The following GPHN variants were observed in gnomAD, a reference collection of about 807,000 sequenced individuals.
GPHN encodes gephyrin.
In GPHN, 17 loss-of-function variants were observed where a neutral mutation model predicts 95.5. The ratio of observed to expected loss-of-function variants is 0.18; its 90% confidence interval spans 0.12 to 0.27. GPHN has a LOEUF of 0.27. Ranked by LOEUF, GPHN falls within the 10% of genes least tolerant of loss-of-function variation. The probability of loss-of-function intolerance (pLI) is 1.00; values close to 1 mark genes in which losing one functional copy is unlikely to be tolerated. For synonymous variants in GPHN, 320 were observed against 322.5 expected, an observed-to-expected ratio of 0.99 and a Z score of 0.08; for missense variants, 660 against 978.1, an observed-to-expected ratio of 0.67 and a Z score of 4.34.
chr14:66,730,317 G>T (rs1440204152), intron 2 of GPHN, among the ~76,000 whole-genome samples: 5 of 152,116 alleles, frequency 3.3e-5, no homozygotes, highest in African/African-American at 1.2e-4. Flanking sequence ...TTGAAAATCA[G>T]GCTCACCTAT....
chr14:66,719,337 C>T (rs1005963238), intron 2 of GPHN, among the ~76,000 whole-genome samples: 2 of 152,138 alleles, frequency 1.3e-5, no homozygotes, highest in African/African-American at 4.8e-5. Context: ...CCGTGTATTT[C>T]GCTTGGCTGT....
At chr14:67,722,460 T>C in the GPHN span, 4 of 695,246 alleles carry the variant, frequency 5.8e-6, no homozygotes, top group Non-Finnish European at 1.1e-5. Context: ...CTGACAGCTC[T>C]TGGATTTAAA....
At chr14:67,542,540 TATATC>T in the GPHN span, among the ~76,000 whole-genome samples, 1,016 of 152,336 alleles carry the variant, frequency 6.7e-3, 19 homozygotes, top group African/African-American at 0.023. Flanking sequence ...TTTTGAGAAT[TATATC>T]AGATCACATA....
chr14:67,361,557 C>T, the GPHN span, among the ~76,000 whole-genome samples: 2 of 152,238 alleles, frequency 1.3e-5, no homozygotes, highest in African/African-American at 4.8e-5. Context: ...GTCCCCATCA[C>T]ATAATATATT....
chr14:67,519,552 A>G, the GPHN span, among the ~76,000 whole-genome samples: 12 of 152,130 alleles, frequency 7.9e-5, no homozygotes, highest in African/African-American at 2.7e-4. Context: ...TGTAAGCCCT[A>G]CTAGGTACTG....
chr14:67,110,171 T>G lies in GPHN; in HGVS notation c.1325T>G (p.Met442Arg), dbSNP rs778445432. 6.2e-7 allele frequency: 1 copy of G among 1,613,000 alleles called. No homozygotes were observed. The highest frequency in any genetic ancestry group is 8.5e-7 in the Non-Finnish European group (1 of 1,178,972). ...CAGACAGTAATGCCAGGACAAGTCA[T>G]GCGGGTTACAACAGGTGCTCCAATA... is the stretch of plus-strand genomic sequence containing the variant. ...PTQTVMPGQV[M>R]RVTTGAPIPC... Residue 442 changes from methionine to arginine, a missense_variant, in exon 14 of 23, where the codon ATG (methionine) becomes AGG (arginine). Around this residue, in one of 6 missense-constraint regions of GPHN, gnomAD observed 257 missense variants for 376.2 expected, o/e 0.68. Coordinates refer to ENST00000478722, the MANE Select transcript of GPHN (RefSeq NM_020806.5).
At chr14:67,045,725 G>GTC (rs1005154755) in intron 10 of GPHN, among the ~76,000 whole-genome samples, 10 of 144,176 alleles carry the variant, frequency 6.9e-5, no homozygotes, top group African/African-American at 2.3e-4. Flanking sequence ...CTCTCTGTCT[G>GTC]TCTCTCTCTC....
chr14:67,532,808 G>T, the GPHN span, among the ~76,000 whole-genome samples: 1 of 152,228 alleles, frequency 6.6e-6, no homozygotes, highest in Non-Finnish European at 1.5e-5. Flanking sequence ...ATATCCAGAC[G>T]TTACAGTTCC....
intron 2 of GPHN, among the ~76,000 whole-genome samples, chr14:66,690,467 A>G (rs911116127): frequency 6.6e-6 from 1 of 152,226 alleles, no homozygotes; most frequent in African/African-American, 2.4e-5. Context: ...GTTCTGGAGA[A>G]TATTCCATGT....
chr14:66,578,062 A>G (rs955676524), intron 1 of GPHN, among the ~76,000 whole-genome samples: 1 of 151,922 alleles, frequency 6.6e-6, no homozygotes, highest in African/African-American at 2.4e-5. Context: ...TGAACAAGAG[A>G]AGGAAGTTAT....
chr14:67,615,658 C>T, the GPHN span: 13,766 of 529,118 alleles, frequency 0.026, 927 homozygotes, highest in African/African-American at 0.18. Context: ...AGAGAAAGGA[C>T]AATTTGAAGC....
chr14:67,725,427 T>C, the GPHN span, among the ~76,000 whole-genome samples: 1 of 152,206 alleles, frequency 6.6e-6, no homozygotes, highest in Non-Finnish European at 1.5e-5. Flanking sequence ...GTAGATAGAC[T>C]GGGCAGGATC....
the GPHN span, among the ~76,000 whole-genome samples, chr14:67,255,875 C>T: frequency 3.3e-5 from 5 of 152,216 alleles, no homozygotes; most frequent in Admixed American, 2.0e-4. Flanking sequence ...TTAGTAGAGA[C>T]GGGGTTTCAC....
chr14:67,594,945 C>A, the GPHN span, among the ~76,000 whole-genome samples: 1 of 151,846 alleles, frequency 6.6e-6, no homozygotes, highest in East Asian at 1.9e-4. Context: ...GTCAGGAGAT[C>A]GAGACCACGG....
chr14:67,507,464 G>C, the GPHN span, among the ~76,000 whole-genome samples: 1 of 152,074 alleles, frequency 6.6e-6, no homozygotes, highest in Non-Finnish European at 1.5e-5. Flanking sequence ...GCAGACCCTG[G>C]AGTCCCCAGG....
intron 1 of GPHN, among the ~76,000 whole-genome samples, chr14:66,601,434 A>C (rs114134743): frequency 0.013 from 1,931 of 152,110 alleles, 26 homozygotes; most frequent in African/African-American, 0.043. Flanking sequence ...TTTTACATCA[A>C]ATACGTTCAA....
At chr14:67,548,009 G>T in the GPHN span, among the ~76,000 whole-genome samples, 5 of 152,156 alleles carry the variant, frequency 3.3e-5, no homozygotes, top group South Asian at 2.1e-4. Flanking sequence ...TTAGCCATGG[G>T]TTCCCTTTTC....
intron 2 of GPHN, among the ~76,000 whole-genome samples, chr14:66,767,097 G>A (rs1025508902): frequency 5.9e-5 from 9 of 151,996 alleles, no homozygotes; most frequent in African/African-American, 2.2e-4. Context: ...AAAAAGAAAA[G>A]TAATATGAAA....
intron 5 of GPHN, among the ~76,000 whole-genome samples, chr14:66,890,437 C>T (rs1176943203): frequency 6.7e-6 from 1 of 149,320 alleles, no homozygotes; most frequent in Non-Finnish European, 1.5e-5. Flanking sequence ...AAAAACCTTT[C>T]TATCTTTCTA....
Sources: gnomAD v4.1 joint callset for allele counts (sites outside exome capture counted in the v4.1 genomes callset) on GRCh38, gnomAD v4.1.1 for gene constraint, gnomAD v4.1.1 regional missense constraint, MANE v1.5 for transcripts, NCBI Gene and HGNC (gene_info 2026-07-23, HGNC 2026-07-21) for gene names.